Variants in COL25A1 observed in about 807,000 individuals in gnomAD.
COL25A1 encodes the protein collagen alpha-1(XXV) chain.
Under a neutral mutation model 128.4 loss-of-function variants are expected in COL25A1, and 103 were observed. The observed-to-expected ratio is 0.80, with a 90% CI of 0.68 to 0.94. The LOEUF is 0.94. Among genes scored for constraint, COL25A1 ranks in the 40% least tolerant of loss-of-function variants. COL25A1 has a pLI of 0.00. For synonymous variants in COL25A1, 279 were observed against 277.2 expected (o/e 1.01, Z -0.06); for missense variants, 745 against 840.0 (o/e 0.89, Z 1.40).
Position 108,974,570 on chromosome 4 carries a change from GA to G in COL25A1, c.439-12del. On this transcript the variant is annotated splice_polypyrimidine_tract_variant and intron_variant, in intron 6 of 37. Transcript: ENST00000399132. ...TGGACCAGGAGGGCCCTGAAAAAAA[GA>G]AAGAGAAAAAAAATTTTAATTAAAA... 6.4e-7 allele frequency: 1 copy of G among 1,569,578 alleles called. No homozygotes were observed.
intron 3 of COL25A1, among the ~76,000 whole-genome samples, chr4:109,287,991 A>G (rs144439698): frequency 2.0e-4 from 31 of 151,998 alleles, no homozygotes; most frequent in African/African-American, 7.2e-4. Flanking sequence ...CATGAGTAAG[A>G]TGGGAACTGG....
chr4:109,057,651 C>T (rs1340589679), intron 3 of COL25A1, among the ~76,000 whole-genome samples: 5 of 151,834 alleles, frequency 3.3e-5, no homozygotes, highest in Non-Finnish European at 7.4e-5. Flanking sequence ...AAATTAATTA[C>T]ATCAGAACTG....
intron 3 of COL25A1, among the ~76,000 whole-genome samples, chr4:109,129,394 G>T (rs559285286): frequency 1.1e-3 from 161 of 152,206 alleles, no homozygotes; most frequent in Non-Finnish European, 2.0e-3. Flanking sequence ...CTCCCAAAGT[G>T]CTGGGATTAC....
At position 108,810,543 on chromosome 4, in the gene COL25A1, A is replaced by G. The variant is rs1319129549; in HGVS notation, c.*3384T>C. The G allele has an allele frequency of 6.6e-6, 1 of 152,044 alleles. No individual in the cohort carries two copies. The highest frequency in any genetic ancestry group is 2.4e-5 in the African/African-American group (1 of 41,452). The allele number at this position is 152,044 out of a possible 1,614,324, so 9.4% of individuals were successfully genotyped here. ...AAAACAAAAACTGAAAGAAAAAATT[A>G]GGTATATTTGTGCACTAGGTACTCT... On this transcript the variant is annotated 3_prime_UTR_variant, in exon 38 of 38. Transcript: ENST00000399132.
At chr4:109,048,287 A>G (rs1760644634) in intron 4 of COL25A1, 112 bp from the exon 5 acceptor site, 3 of 1,033,200 alleles carry the variant, frequency 2.9e-6, no homozygotes, top group South Asian at 3.2e-5. Context: ...CATAATAGAC[A>G]TGGAAGTTTT....
At chr4:109,001,388 T>TGTCAGGTAGGCATCTGAGATCCG (rs1755368483) in intron 6 of COL25A1, among the ~76,000 whole-genome samples, 1 of 152,196 alleles carries the variant, frequency 6.6e-6, no homozygotes, top group Non-Finnish European at 1.5e-5. Context: ...TCTGAGATCC[T>TGTCAGGTAGGCATCTGAGATCCG]GTCAGGTAGG....
chr4:109,102,451 G>A (rs1267304600), intron 3 of COL25A1, among the ~76,000 whole-genome samples: 2 of 151,990 alleles, frequency 1.3e-5, no homozygotes, highest in African/African-American at 4.8e-5. Context: ...TGTTCCATGT[G>A]CACTTAAACA....
rs190975073 is a variant in COL25A1, at chr4:108,819,247, T to C, written c.1923+5A>G. 188 of 1,603,434 alleles carry C rather than the reference T, an allele frequency of 1.2e-4. 2 individuals carry two copies. The East Asian group carries it at 3.1e-3, about 27-fold the overall frequency. ...GCAGGGTGGTAGGAAAGAGAAATAC[T>C]GTACCAATTGGCAAGGGGCATCCAG... On this transcript the variant is annotated splice_donor_5th_base_variant and intron_variant, in intron 36 of 37. Transcript: ENST00000399132.
chr4:109,228,408 A>G (rs1014300829), intron 3 of COL25A1, among the ~76,000 whole-genome samples: 2 of 152,164 alleles, frequency 1.3e-5, no homozygotes, highest in African/African-American at 4.8e-5. Context: ...TTTACCTAAC[A>G]TGATGCAACT....
chr4:109,137,809 C>A (rs1769942418), intron 3 of COL25A1, among the ~76,000 whole-genome samples: 1 of 152,076 alleles, frequency 6.6e-6, no homozygotes, highest in Non-Finnish European at 1.5e-5. Context: ...AATTCCTCAT[C>A]AGGTTAAAGG....
Position 108,869,674 on chromosome 4 carries a change from G to A in COL25A1, c.1021-524C>T, listed in dbSNP as rs1479285340. 5.3e-5 allele frequency among the ~76,000 whole-genome samples: 8 copies of A among 152,206 alleles called. 1 individual carries two copies. The South Asian group carries it at 1.5e-3, about 28-fold the overall frequency. ...TTTGGTGTTGGAAAATACTTGAGATGAGCGTTCACATTAGCTTGACTATCC... is the reference window on the plus strand; with the variant it reads ...TTTGGTGTTGGAAAATACTTGAGATAAGCGTTCACATTAGCTTGACTATCC... On this transcript the variant is annotated intron_variant, in intron 19 of 37. Transcript: ENST00000399132.
intron 3 of COL25A1, among the ~76,000 whole-genome samples, chr4:109,248,267 T>C (rs1329366894): frequency 6.6e-6 from 1 of 150,674 alleles, no homozygotes; most frequent in Non-Finnish European, 1.5e-5. Flanking sequence ...AATTAATATT[T>C]CCTTTTTTAG....
rs375691371 is a variant in COL25A1, at chr4:108,991,455, T to C, written c.439-16896A>G. ...GAGTACAATGGAGTTTTTCATATCATATTAACCATCTGCTTCATAAAACAT... is the reference window on the plus strand; with the variant it reads ...GAGTACAATGGAGTTTTTCATATCACATTAACCATCTGCTTCATAAAACAT... On this transcript the variant is annotated intron_variant, in intron 6 of 37. Coordinates refer to ENST00000399132, the MANE Select transcript of COL25A1 (RefSeq NM_198721.4). Among the ~76,000 whole-genome samples, 47 of 152,328 alleles carry C rather than the reference T, an allele frequency of 3.1e-4. No individual in the cohort carries two copies. In the South Asian group the frequency reaches 9.7e-3, roughly 32 times the overall value.
At chr4:109,008,056 ACT>A (rs1756206039) in intron 6 of COL25A1, among the ~76,000 whole-genome samples, 1 of 151,990 alleles carries the variant, frequency 6.6e-6, no homozygotes, top group Non-Finnish European at 1.5e-5. Context: ...TGAATTTTCT[ACT>A]CTGTCTTGTC....
At chr4:109,067,411 A>C (rs1762536279) in intron 3 of COL25A1, among the ~76,000 whole-genome samples, 1 of 152,220 alleles carries the variant, frequency 6.6e-6, no homozygotes, top group African/African-American at 2.4e-5. Context: ...AACACAGTGA[A>C]ACTCTTTGAT....
intron 3 of COL25A1, among the ~76,000 whole-genome samples, chr4:109,232,698 T>C (rs1336055204): frequency 6.6e-6 from 1 of 152,194 alleles, no homozygotes; most frequent in Non-Finnish European, 1.5e-5. Flanking sequence ...TCATGTAATT[T>C]GGTCTAGACC....
At position 108,933,851 on chromosome 4, in the gene COL25A1, G is replaced by GACACACACAC. The variant is rs3065581; in HGVS notation, c.708+3947_708+3956dup. Among the ~76,000 whole-genome samples the GACACACACAC allele has an allele frequency of 8.8e-3, 1,305 of 148,762 alleles. 9 individuals carry two copies. The highest frequency in any genetic ancestry group is 0.014 in the Non-Finnish European group (927 of 67,178). On this transcript the variant is annotated intron_variant, in intron 11 of 37. Transcript: ENST00000399132. The stretch of plus-strand genomic sequence containing the variant: ...CTCCCTACCAGATTTCAAGTTCACA[G>GACACACACAC]ACACACACACACACACACACACACA...
In COL25A1 at chr4:108,846,193, C is replaced by T. The variant is rs1479527239; in HGVS notation, c.1461G>A (p.Met487Ile). 6.2e-7 allele frequency: 1 copy of T among 1,612,928 alleles called. No individual in the cohort carries two copies. Among genetic ancestry groups the T allele is most frequent in the Non-Finnish European group, 8.5e-7 (1 of 1,179,098 alleles). The change falls in exon 28 of 38, where the codon ATG (methionine) becomes ATA (isoleucine). Residue 487 changes from methionine to isoleucine, a missense_variant. This residue lies in a region of COL25A1 where 387 missense variants were observed against 441.9 expected (regional missense o/e 0.88). Transcript: ENST00000399132. ...EQGLKGSKGD[M>I]GDPGMTGEKG... ...TTTCACCTGTCATACCTGGGTCCCC[C>T]ATGTCTCCCTTTGAGCCTTTGAGTC... is the stretch of plus-strand genomic sequence containing the variant.
chr4:108,955,890 C>T lies in COL25A1; in HGVS notation c.493-14453G>A, dbSNP rs1299676971. On this transcript the variant is annotated intron_variant, in intron 8 of 37. Coordinates refer to ENST00000399132, the MANE Select transcript of COL25A1 (RefSeq NM_198721.4). ...GCCACAAATACTGGTGTATTAAATG[C>T]CAAGAAAAGTGAAGAGATTACTAAT... Among the ~76,000 whole-genome samples the T allele has an allele frequency of 4.6e-5, 7 of 152,022 alleles. No individual in the cohort carries two copies. The South Asian group carries it at 1.0e-3, about 23-fold the overall frequency.
Sources: gnomAD v4.1 joint callset for allele counts (sites outside exome capture counted in the v4.1 genomes callset) on GRCh38, gnomAD v4.1.1 for gene constraint, gnomAD v4.1.1 regional missense constraint, MANE v1.5 for transcripts, NCBI Gene and HGNC (gene_info 2026-07-23, HGNC 2026-07-21) for gene names.